UBR1: variants seen among roughly 807,000 people sequenced by gnomAD.
UBR1 encodes the protein E3 ubiquitin-protein ligase UBR1.
In UBR1, 102 loss-of-function variants were observed where a neutral mutation model predicts 242.1. The observed-to-expected ratio is 0.42, with a 90% CI of 0.36 to 0.50. The LOEUF is 0.50. UBR1 is among the 20% of genes least tolerant of loss of function. The pLI is 0.01. For synonymous variants in UBR1, 675 were observed against 684.8 expected (o/e 0.99, Z 0.22); for missense variants, 1,772 against 2,101.8 (o/e 0.84, Z 3.07).
intron 5 of UBR1, among the ~76,000 whole-genome samples, chr15:43,070,040 GAAAATAGCCAGT>G (rs2033805528): frequency 3.3e-5 from 5 of 152,022 alleles, no homozygotes; most frequent in African/African-American, 1.2e-4. Flanking sequence ...CAAAACAAAT[GAAAATAGCCAGT>G]AAACTCAAAG....
chr15:43,050,880 C>T (rs1221399447), intron 12 of UBR1, among the ~76,000 whole-genome samples: 2 of 152,044 alleles, frequency 1.3e-5, no homozygotes, highest in African/African-American at 4.8e-5. Flanking sequence ...AATGAGATAC[C>T]ATCTCACACT....
intron 1 of UBR1, among the ~76,000 whole-genome samples, chr15:43,104,325 T>G (rs1185354392): frequency 3.3e-5 from 5 of 152,172 alleles, no homozygotes; most frequent in African/African-American, 1.2e-4. Context: ...TAAATATTAG[T>G]CTTCAGATAC....
At position 43,022,278 on chromosome 15, in the gene UBR1, C is replaced by T. The variant is rs116607647; in HGVS notation, c.2839+424G>A. Among the ~76,000 whole-genome samples, 871 of 151,896 alleles carry T rather than the reference C, an allele frequency of 5.7e-3. 10 individuals are homozygous for T. The highest frequency in any genetic ancestry group is 0.019 in the African/African-American group (796 of 41,452). ...TCCTTTTCTTCCAAGTTGAATACAA[C>T]GCAAAATGAACGTTATCATTCAGAT... On this transcript the variant is annotated intron_variant, in intron 26 of 46. Transcript: ENST00000290650.
chr15:42,970,690 A>G (rs1423180629), intron 39 of UBR1, 83 bp from the exon 40 acceptor site: 1 of 1,272,664 alleles, frequency 7.9e-7, no homozygotes, highest in Non-Finnish European at 1.1e-6. Context: ...TTCCAAGACA[A>G]TAAACAACGT....
At position 42,945,478 on chromosome 15, in the gene UBR1, G is replaced by A; in HGVS notation, c.5109-8C>T. The A allele has an allele frequency of 6.2e-7, 1 of 1,613,562 alleles. No individual in the cohort carries two copies. Among genetic ancestry groups the A allele is most frequent in the Admixed American group, 1.7e-5 (1 of 59,952 alleles). On this transcript the variant is annotated splice_region_variant and splice_polypyrimidine_tract_variant and intron_variant, in intron 46 of 46. Transcript: ENST00000290650. ...TGAAGGGGGTTGCCCCTCCTTTAGG[G>A]AAAAAAGAAAAAACAACATGTAAGT...
At chr15:43,103,161 C>CTA (rs1412133356) in intron 1 of UBR1, among the ~76,000 whole-genome samples, 3 of 152,130 alleles carry the variant, frequency 2.0e-5, no homozygotes. Flanking sequence ...GAGTAGGACT[C>CTA]TGTCTTAAAT....
chr15:42,972,250 C>A (rs1022897888), intron 39 of UBR1, among the ~76,000 whole-genome samples: 1 of 152,164 alleles, frequency 6.6e-6, no homozygotes. Flanking sequence ...TCTTCTCTAG[C>A]GTGTCATATA....
chr15:43,052,261 T>C (rs1301834939), intron 12 of UBR1, among the ~76,000 whole-genome samples: 5 of 152,270 alleles, frequency 3.3e-5, no homozygotes, highest in South Asian at 2.1e-4. Flanking sequence ...AAGAAATAAA[T>C]GCAACTCAAT....
chr15:43,049,506 T>C (rs1300554051), intron 12 of UBR1, among the ~76,000 whole-genome samples: 1 of 152,108 alleles, frequency 6.6e-6, no homozygotes, highest in Non-Finnish European at 1.5e-5. Flanking sequence ...GAGCTTGCAG[T>C]GAGCCGAGAT....
intron 1 of UBR1, among the ~76,000 whole-genome samples, chr15:43,096,091 T>C (rs924649162): frequency 6.6e-6 from 1 of 152,164 alleles, no homozygotes; most frequent in African/African-American, 2.4e-5. Context: ...TTTTTGCTGA[T>C]AGGGGGATCT....
chr15:43,088,881 G>GGTGCACATGGTGGCTC (rs990085838), intron 1 of UBR1, among the ~76,000 whole-genome samples: 22 of 152,070 alleles, frequency 1.4e-4, no homozygotes, highest in African/African-American at 5.3e-4. Context: ...CATGAGGGCT[G>GGTGCACATGGTGGCTC]GTGCACATGG....
chr15:42,990,318 C>A (rs920107155), intron 33 of UBR1, among the ~76,000 whole-genome samples, 198 bp from the exon 34 acceptor site: 1 of 152,118 alleles, frequency 6.6e-6, no homozygotes, highest in African/African-American at 2.4e-5. Flanking sequence ...TGACTACAGG[C>A]ATGTGCCACC....
chr15:43,093,599 G>A (rs1045871488), intron 1 of UBR1, among the ~76,000 whole-genome samples: 1 of 151,938 alleles, frequency 6.6e-6, no homozygotes, highest in Non-Finnish European at 1.5e-5. Flanking sequence ...TAGGCAACAT[G>A]GTAAAACCCC....
At chr15:43,058,234 TAAA>T in intron 10 of UBR1, 104 bp downstream of exon 10, 1 of 900,228 alleles carries the variant, frequency 1.1e-6, no homozygotes. Flanking sequence ...GACAAAGAAA[TAAA>T]TCATAACATT....
intron 19 of UBR1, among the ~76,000 whole-genome samples, chr15:43,035,152 ATGT>A (rs947207379): frequency 1.3e-5 from 2 of 152,170 alleles, no homozygotes; most frequent in Non-Finnish European, 2.9e-5. Flanking sequence ...TTTTCACAAT[ATGT>A]TGTTAAGCAT....
rs150724615 is a variant in UBR1 at position 42,960,949 on chromosome 15, C to T, written c.4701-248G>A. Among the ~76,000 whole-genome samples, 635 of 151,970 alleles carry T rather than the reference C, an allele frequency of 4.2e-3. 7 individuals carry two copies. Among genetic ancestry groups the T allele is most frequent in the African/African-American group, 0.015 (603 of 41,426 alleles). ...TTAGCTTTTGTATTTTTAGCAGAGACGAGGTTTCCCATGTTGGCCAGGCTG... is the reference window on the plus strand; with the variant it reads ...TTAGCTTTTGTATTTTTAGCAGAGATGAGGTTTCCCATGTTGGCCAGGCTG... On this transcript the variant is annotated intron_variant, in intron 42 of 46. Transcript: ENST00000290650.
chr15:43,096,999 T>G (rs779920065), intron 1 of UBR1, among the ~76,000 whole-genome samples: 21 of 152,154 alleles, frequency 1.4e-4, no homozygotes, highest in Middle Eastern at 6.8e-3. Flanking sequence ...AGTTTTTCAA[T>G]TGACTTTGCC....
At chr15:43,062,566 A>C (rs1182385382) in intron 6 of UBR1, among the ~76,000 whole-genome samples, 1 of 152,140 alleles carries the variant, frequency 6.6e-6, no homozygotes, top group Non-Finnish European at 1.5e-5. Context: ...AAAAAGATTA[A>C]AATGGTAAAT....
chr15:42,995,303 AT>A (rs2032620156), intron 33 of UBR1, among the ~76,000 whole-genome samples: 1 of 152,174 alleles, frequency 6.6e-6, no homozygotes, highest in South Asian at 2.1e-4. Flanking sequence ...TGTCAAAGTC[AT>A]TTTAAATTAC....
Sources: gnomAD v4.1 joint callset for allele counts (sites outside exome capture counted in the v4.1 genomes callset) on GRCh38, gnomAD v4.1.1 for gene constraint, MANE v1.5 for transcripts, NCBI Gene and HGNC (gene_info 2026-07-23, HGNC 2026-07-21) for gene names.